The following NCEH1 variants were observed in gnomAD, a reference collection of about 807,000 sequenced individuals.
NCEH1 encodes neutral cholesterol ester hydrolase 1, also known as 2-acetyl MAGE hydrolase.
NCEH1 carries 9 observed loss-of-function variants against 25.4 expected under a neutral mutation model. The ratio of observed to expected loss-of-function variants is 0.35; its 90% confidence interval spans 0.21 to 0.62. The LOEUF is 0.62. NCEH1 is among the 20% of genes least tolerant of loss of function. NCEH1 has a pLI of 0.72. For missense variants in NCEH1, 412 were observed against 501.1 expected (o/e 0.82, Z 1.70); for synonymous variants, 200 against 199.8 (o/e 1.00, Z -0.01).
chr3:172,640,508 T>A (rs896733028), intron 3 of NCEH1, among the ~76,000 whole-genome samples: 31 of 152,178 alleles, frequency 2.0e-4, no homozygotes, highest in African/African-American at 5.3e-4. Flanking sequence ...TTATTTATTT[T>A]ATTTATTTAT....
chr3:172,634,548 G>A (rs1246442726), intron 4 of NCEH1, among the ~76,000 whole-genome samples: 1 of 152,140 alleles, frequency 6.6e-6, no homozygotes, highest in Non-Finnish European at 1.5e-5. Flanking sequence ...GTTTAAGTAG[G>A]ACCTCAGGGT....
At position 172,683,173 on chromosome 3, in the gene NCEH1, G is replaced by A. The variant is rs1419880075; in HGVS notation, c.138+27674C>T. Among the ~76,000 whole-genome samples the A allele has an allele frequency of 1.1e-4, 7 of 64,700 alleles. No homozygotes were observed. In the East Asian group the frequency reaches 2.0e-3, roughly 19 times the overall value. 42.4% of individuals were successfully genotyped at this position (64,700 alleles called of 152,430 possible). On this transcript the variant is annotated intron_variant, in intron 1 of 4. Transcript: ENST00000475381. Reference sequence around the variant, plus strand: ...AATCCCAGCACTTTGGGAGGCCGAGGCGGGCGGATCACGAGGTCAGGAGAT... The same window carrying A: ...AATCCCAGCACTTTGGGAGGCCGAGACGGGCGGATCACGAGGTCAGGAGAT...
intron 1 of NCEH1, among the ~76,000 whole-genome samples, chr3:172,708,845 TA>T (rs1714149817): frequency 6.6e-6 from 1 of 152,180 alleles, no homozygotes; most frequent in African/African-American, 2.4e-5. Flanking sequence ...TACTAAACCT[TA>T]TAGCAAACCT....
chr3:172,672,253 G>A (rs1711678205), intron 1 of NCEH1, among the ~76,000 whole-genome samples: 1 of 152,142 alleles, frequency 6.6e-6, no homozygotes, highest in Non-Finnish European at 1.5e-5. Context: ...TACATGTTGA[G>A]TACCGTTTCA....
chr3:172,687,103 C>T (rs1005400199), intron 1 of NCEH1, among the ~76,000 whole-genome samples: 1 of 152,120 alleles, frequency 6.6e-6, no homozygotes, highest in Non-Finnish European at 1.5e-5. Flanking sequence ...TGAGAGATAG[C>T]CTGTACTCCT....
At chr3:172,670,284 T>C (rs1413334443) in intron 1 of NCEH1, among the ~76,000 whole-genome samples, 1 of 152,258 alleles carries the variant, frequency 6.6e-6, no homozygotes, top group East Asian at 1.9e-4. Context: ...CTTTCTCCTT[T>C]ATGTTCTGAA....
At chr3:172,688,672 G>A (rs1315845446) in intron 1 of NCEH1, among the ~76,000 whole-genome samples, 2 of 152,144 alleles carry the variant, frequency 1.3e-5, no homozygotes, top group African/African-American at 4.8e-5. Context: ...CCTAAATGCT[G>A]TCCTCCTCAC....
At chr3:172,674,457 A>AG (rs1711829000) in intron 1 of NCEH1, among the ~76,000 whole-genome samples, 1 of 151,744 alleles carries the variant, frequency 6.6e-6, no homozygotes, top group Non-Finnish European at 1.5e-5. Context: ...AAAAAAAAAA[A>AG]AAAAAAAAAG....
intron 1 of NCEH1, among the ~76,000 whole-genome samples, chr3:172,693,450 C>A (rs1399895935): frequency 2.1e-5 from 3 of 146,162 alleles, no homozygotes; most frequent in Admixed American, 6.8e-5. Context: ...TCTTCTAAAG[C>A]CTGAATATGA....
In NCEH1 at chr3:172,633,375, G is replaced by T; in HGVS notation, c.*100C>A. 9.1e-7 allele frequency: 1 copy of T among 1,099,104 alleles called. No homozygotes were observed. Among genetic ancestry groups the T allele is most frequent in the South Asian group, 1.5e-5 (1 of 65,300 alleles). 68.1% of individuals were successfully genotyped at this position (1,099,104 alleles called of 1,614,324 possible). A position where few individuals can be genotyped will look rare whatever the true frequency, so the allele number is the denominator to read the frequency against. On this transcript the variant is annotated 3_prime_UTR_variant, in exon 5 of 5. Coordinates refer to ENST00000475381, the MANE Select transcript of NCEH1 (RefSeq NM_020792.6). ...GAAATTCCATAACTCGCAAGTAGAG[G>T]GGAATGGGAGGAAGAATTAGTCAAC...
chr3:172,685,247 A>G (rs1433503514), intron 1 of NCEH1, among the ~76,000 whole-genome samples: 2 of 152,110 alleles, frequency 1.3e-5, no homozygotes. Flanking sequence ...TGAGGACACC[A>G]CTGCACTCCA....
chr3:172,676,945 G>T (rs1712042859), intron 1 of NCEH1, among the ~76,000 whole-genome samples: 1 of 152,220 alleles, frequency 6.6e-6, no homozygotes, highest in Middle Eastern at 3.4e-3. Context: ...GGTCTCGGGG[G>T]CCAAATTTTT....
intron 1 of NCEH1, among the ~76,000 whole-genome samples, chr3:172,671,676 T>C (rs1228262900): frequency 6.6e-6 from 1 of 151,744 alleles, no homozygotes; most frequent in African/African-American, 2.4e-5. Context: ...GGCACACACA[T>C]ACTTGTTACA....
intron 1 of NCEH1, among the ~76,000 whole-genome samples, chr3:172,662,595 T>C (rs544282783): frequency 2.6e-5 from 4 of 152,328 alleles, no homozygotes; most frequent in Admixed American, 2.0e-4. Context: ...TGTCTGGCCC[T>C]GGAATTTTTT....
intron 4 of NCEH1, 112 bp downstream of exon 4, chr3:172,635,804 G>GCTATGCATT: frequency 1.0e-6 from 1 of 956,706 alleles, no homozygotes. Flanking sequence ...TGGCCATCTA[G>GCTATGCATT]TGACCGGCCC....
Position 172,635,943 on chromosome 3 carries a change from T to C in NCEH1, c.582A>G (p.Gly194=). 1.2e-6 allele frequency: 2 copies of C among 1,614,154 alleles called. No individual in the cohort carries two copies. Among genetic ancestry groups the C allele is most frequent in the Non-Finnish European group, 1.7e-6 (2 of 1,180,020 alleles). ...GTTGTCCAAGGGCAGCAGCCAGATT[T>C]CCACCAGCACTGTCACCAGAAATGC... is the stretch of plus-strand genomic sequence containing the variant. ...RICISGDSAG[G]NLAAALGQQF... Residue 194 remains glycine, a synonymous_variant, in exon 4 of 5, where the codon GGA becomes GGG. Coordinates refer to ENST00000475381, the MANE Select transcript of NCEH1 (RefSeq NM_020792.6).
At chr3:172,667,201 G>A (rs1337747757) in intron 1 of NCEH1, among the ~76,000 whole-genome samples, 3 of 152,302 alleles carry the variant, frequency 2.0e-5, no homozygotes, top group African/African-American at 7.2e-5. Flanking sequence ...CCATCAGCAG[G>A]GAAAACGGCC....
intron 1 of NCEH1, among the ~76,000 whole-genome samples, chr3:172,671,743 TACAC>T (rs1246810728): frequency 6.6e-6 from 1 of 152,028 alleles, no homozygotes. Flanking sequence ...TATATATACA[TACAC>T]ACATGCACAC....
chr3:172,634,206 T>A, intron 4 of NCEH1, 114 bp from the exon 5 acceptor site: 4 of 979,272 alleles, frequency 4.1e-6, no homozygotes, highest in Non-Finnish European at 4.5e-6. Flanking sequence ...GTATAAGTGT[T>A]ACATTTCTAC....
Sources: gnomAD v4.1 joint callset for allele counts (sites outside exome capture counted in the v4.1 genomes callset) on GRCh38, gnomAD v4.1.1 for gene constraint, MANE v1.5 for transcripts, NCBI Gene and HGNC (gene_info 2026-07-23, HGNC 2026-07-21) for gene names.